The following MAML2 variants were observed in gnomAD, a reference collection of about 807,000 sequenced individuals.
The protein encoded by MAML2 is mastermind like transcriptional coactivator 2.
MAML2 carries 22 observed loss-of-function variants against 96.1 expected under a neutral mutation model. The observed-to-expected ratio is 0.23, with a 90% CI of 0.16 to 0.33. MAML2 has a LOEUF of 0.33. Among genes scored for constraint, MAML2 ranks in the 10% least tolerant of loss-of-function variants. MAML2 has a pLI of 1.00. For synonymous variants in MAML2, 561 were observed against 521.3 expected (o/e 1.08, Z -1.04); for missense variants, 1,367 against 1,392.4 (o/e 0.98, Z 0.29).
intron 2 of MAML2, among the ~76,000 whole-genome samples, chr11:95,993,108 C>T (rs960545431): frequency 4.6e-5 from 7 of 151,470 alleles, no homozygotes; most frequent in African/African-American, 1.7e-4. Context: ...CGGGGTCTTA[C>T]TATGTTGCCC....
intron 2 of MAML2, among the ~76,000 whole-genome samples, chr11:95,993,141 C>T (rs1857939340): frequency 6.6e-6 from 1 of 150,732 alleles, no homozygotes; most frequent in South Asian, 2.1e-4. Flanking sequence ...AAGTCAAGGG[C>T]TCAAGTGATC....
At chr11:96,281,328 T>C (rs1863060880) in intron 1 of MAML2, among the ~76,000 whole-genome samples, 1 of 152,152 alleles carries the variant, frequency 6.6e-6, no homozygotes, top group African/African-American at 2.4e-5. Context: ...GATAGATCAC[T>C]AAACATTTGT....
chr11:96,111,549 C>G (rs1860123876), intron 1 of MAML2, among the ~76,000 whole-genome samples: 1 of 152,206 alleles, frequency 6.6e-6, no homozygotes. Context: ...AAGCTGACAT[C>G]AAGTTGCTAA....
chr11:96,208,201 G>A (rs1284152921), intron 1 of MAML2, among the ~76,000 whole-genome samples: 1 of 151,962 alleles, frequency 6.6e-6, no homozygotes, highest in Non-Finnish European at 1.5e-5. Context: ...CTATAATAAG[G>A]GCATTAGACT....
chr11:96,249,196 C>G (rs1221609182), intron 1 of MAML2, among the ~76,000 whole-genome samples: 1 of 152,178 alleles, frequency 6.6e-6, no homozygotes, highest in Non-Finnish European at 1.5e-5. Context: ...CCTTTTGGGG[C>G]ACTATTTTCT....
intron 1 of MAML2, among the ~76,000 whole-genome samples, chr11:96,228,488 C>G (rs1862245801): frequency 6.6e-6 from 1 of 152,146 alleles, no homozygotes. Context: ...TGTACATACA[C>G]CTTGACTTTC....
chr11:96,239,686 T>C (rs1347201887), intron 1 of MAML2, among the ~76,000 whole-genome samples: 2 of 152,216 alleles, frequency 1.3e-5, no homozygotes, highest in African/African-American at 4.8e-5. Context: ...GAGTTTCCAT[T>C]TGGAGTCTAT....
chr11:96,164,757 A>T (rs891052902), intron 1 of MAML2, among the ~76,000 whole-genome samples: 43 of 152,352 alleles, frequency 2.8e-4, no homozygotes, highest in Admixed American at 1.3e-4. Context: ...CCTTTGATGT[A>T]CAATGCTTAA....
intron 2 of MAML2, among the ~76,000 whole-genome samples, chr11:96,000,574 T>C (rs147737634): frequency 1.3e-5 from 2 of 152,192 alleles, no homozygotes; most frequent in South Asian, 4.1e-4. Flanking sequence ...ATGCCTTAGA[T>C]GAAGTACCCA....
intron 1 of MAML2, among the ~76,000 whole-genome samples, chr11:96,292,945 A>AT: frequency 6.6e-6 from 1 of 152,262 alleles, no homozygotes; most frequent in East Asian, 1.9e-4. Flanking sequence ...AAAAAAAAAA[A>AT]GATCTGATGT....
intron 2 of MAML2, among the ~76,000 whole-genome samples, chr11:96,046,208 G>A (rs1024317948): frequency 3.3e-5 from 5 of 152,084 alleles, no homozygotes; most frequent in African/African-American, 1.2e-4. Flanking sequence ...GAGCTAATGA[G>A]AAGCATATGC....
intron 1 of MAML2, among the ~76,000 whole-genome samples, chr11:96,223,137 C>T (rs931874522): frequency 1.3e-5 from 2 of 152,010 alleles, no homozygotes; most frequent in East Asian, 1.9e-4. Context: ...CAATAGAAGA[C>T]ACGTTATATG....
At chr11:95,993,413 G>C (rs1245505194) in intron 2 of MAML2, among the ~76,000 whole-genome samples, 1 of 151,858 alleles carries the variant, frequency 6.6e-6, no homozygotes, top group Non-Finnish European at 1.5e-5. Flanking sequence ...ACTAAAATAT[G>C]AAAATTAGTT....
At chr11:96,282,498 T>C (rs139424065) in intron 1 of MAML2, among the ~76,000 whole-genome samples, 10 of 152,278 alleles carry the variant, frequency 6.6e-5, no homozygotes, top group Non-Finnish European at 1.5e-4. Flanking sequence ...CAAAGCAGAA[T>C]TGAAATCTGC....
At chr11:96,041,849 GC>G (rs1209966385) in intron 2 of MAML2, among the ~76,000 whole-genome samples, 1 of 151,440 alleles carries the variant, frequency 6.6e-6, no homozygotes, top group Non-Finnish European at 1.5e-5. Context: ...TCACTTTGTT[GC>G]CCAGGCTGGA....
Position 96,148,659 on chromosome 11 carries a change from T to TACACACACACAC in MAML2, c.514-55154_514-55143dup, listed in dbSNP as rs58470055. The stretch of plus-strand genomic sequence containing the variant: ...TGAAAAGTCTGAAAATTCTGAAAAA[T>TACACACACACAC]ACACACACACACACACACACACACA... On this transcript the variant is annotated intron_variant, in intron 1 of 4. Transcript: ENST00000524717. Among the ~76,000 whole-genome samples, 874 of 131,946 alleles carry TACACACACACAC rather than the reference T, an allele frequency of 6.6e-3. 16 individuals are homozygous for TACACACACACAC. The highest frequency in any genetic ancestry group is 0.014 in the African/African-American group (484 of 34,336). 86.6% of individuals were successfully genotyped at this position (131,946 alleles called of 152,430 possible).
intron 2 of MAML2, among the ~76,000 whole-genome samples, chr11:96,007,752 C>T (rs1858206900): frequency 6.6e-6 from 1 of 151,610 alleles, no homozygotes; most frequent in Non-Finnish European, 1.5e-5. Flanking sequence ...AAGAAAGTAA[C>T]ATTCTCAGTA....
chr11:96,124,978 T>C (rs1860413987), intron 1 of MAML2, among the ~76,000 whole-genome samples: 1 of 152,236 alleles, frequency 6.6e-6, no homozygotes, highest in Admixed American at 6.5e-5. Flanking sequence ...GCCGCATTAA[T>C]TGACACCTGT....
At chr11:96,209,261 A>C (rs1198145915) in intron 1 of MAML2, among the ~76,000 whole-genome samples, 1 of 151,494 alleles carries the variant, frequency 6.6e-6, no homozygotes, top group African/African-American at 2.4e-5. Flanking sequence ...TTTTGGGACA[A>C]GGGTACCTTC....
Sources: gnomAD v4.1 joint callset for allele counts (sites outside exome capture counted in the v4.1 genomes callset) on GRCh38, gnomAD v4.1.1 for gene constraint, MANE v1.5 for transcripts, NCBI Gene and HGNC (gene_info 2026-07-23, HGNC 2026-07-21) for gene names.